The following NEXMIF variants were observed in gnomAD, a reference collection of about 807,000 sequenced individuals.
NEXMIF encodes neurite extension and migration factor.
NEXMIF carries 8 observed loss-of-function variants against 62.1 expected under a neutral mutation model. The observed-to-expected ratio is 0.13, with a 90% CI of 0.08 to 0.23. The LOEUF is 0.23. Ranked by LOEUF, NEXMIF falls within the 10% of genes least tolerant of loss-of-function variation. The pLI is 1.00. For synonymous variants in NEXMIF, 404 were observed against 416.6 expected (o/e 0.97, Z 0.37); for missense variants, 976 against 1,113.3 (o/e 0.88, Z 1.75).
At chrX:74,744,539 C>T (rs1173895186) in intron 2 of NEXMIF, 62 bp from the exon 3 acceptor site, 10 of 818,591 alleles carry the variant, frequency 1.2e-5, no homozygotes, top group Non-Finnish European at 1.5e-5. Context: ...GACTCATTAA[C>T]TCTCTTTCCC....
intron 1 of NEXMIF, among the ~76,000 whole-genome samples, chrX:74,756,213 G>C (rs1048670374): frequency 1.8e-5 from 2 of 111,848 alleles, no homozygotes; most frequent in East Asian, 5.6e-4. Flanking sequence ...CGCCCGCCTC[G>C]GCCTCCCGTA....
At chrX:74,795,857 CAAAT>C (rs922616006) in intron 1 of NEXMIF, among the ~76,000 whole-genome samples, 1 of 107,174 alleles carries the variant, frequency 9.3e-6, no homozygotes, top group Non-Finnish European at 1.9e-5. Flanking sequence ...AGATAAAAGA[CAAAT>C]AACCATACAT....
At chrX:74,889,984 CTCTCTCATTCTCTT>C (rs1458534770) in intron 1 of NEXMIF, among the ~76,000 whole-genome samples, 1 of 105,554 alleles carries the variant, frequency 9.5e-6, no homozygotes, top group Non-Finnish European at 1.9e-5. Context: ...CTCTCTCATT[CTCTCTCATTCTCTT>C]TCTCTCTCTC....
intron 1 of NEXMIF, among the ~76,000 whole-genome samples, chrX:74,871,856 C>T (rs2080602449): frequency 9.0e-6 from 1 of 111,532 alleles, no homozygotes; most frequent in Non-Finnish European, 1.9e-5. Flanking sequence ...ACCCTTGTTT[C>T]ACAATCAGAT....
chrX:74,863,416 C>G (rs1326618176), intron 1 of NEXMIF, among the ~76,000 whole-genome samples: 2 of 110,812 alleles, frequency 1.8e-5, no homozygotes, highest in African/African-American at 6.6e-5. Context: ...ATCAAATAAA[C>G]ACAACAAAAA....
chrX:74,851,332 C>T (rs574524545), intron 1 of NEXMIF, among the ~76,000 whole-genome samples: 4 of 111,599 alleles, frequency 3.6e-5, no homozygotes, highest in African/African-American at 1.3e-4. Context: ...GAAAACATCT[C>T]AAGTCTAGCA....
intron 1 of NEXMIF, among the ~76,000 whole-genome samples, chrX:74,791,720 C>T (rs759749393): frequency 1.1e-3 from 125 of 109,983 alleles, no homozygotes; most frequent in African/African-American, 3.7e-3. Flanking sequence ...GTGTATGTGA[C>T]GAGGAATTTA....
intron 1 of NEXMIF, among the ~76,000 whole-genome samples, chrX:74,871,809 G>GT (rs1172258619): frequency 5.4e-5 from 6 of 111,454 alleles, no homozygotes; most frequent in South Asian, 3.8e-4. Context: ...CTATTATTCT[G>GT]TTTTTTCAGG....
At chrX:74,886,003 T>A (rs193243911) in intron 1 of NEXMIF, among the ~76,000 whole-genome samples, 1 of 111,538 alleles carries the variant, frequency 9.0e-6, no homozygotes, top group African/African-American at 3.3e-5. Flanking sequence ...CATATGCAAA[T>A]CAATAAACAT....
At chrX:74,861,714 T>C (rs2080558259) in intron 1 of NEXMIF, among the ~76,000 whole-genome samples, 1 of 111,800 alleles carries the variant, frequency 8.9e-6, no homozygotes, top group South Asian at 3.8e-4. Context: ...GAAAAGAATT[T>C]CCAACCCAGA....
chrX:74,872,605 T>A (rs1262702079), intron 1 of NEXMIF, among the ~76,000 whole-genome samples: 2 of 109,455 alleles, frequency 1.8e-5, no homozygotes, highest in Admixed American at 9.8e-5. Context: ...GTAAATTATG[T>A]TTTACTACAG....
intron 1 of NEXMIF, among the ~76,000 whole-genome samples, chrX:74,806,169 G>A (rs1193622326): frequency 1.8e-5 from 2 of 111,473 alleles, no homozygotes; most frequent in Non-Finnish European, 3.8e-5. Context: ...CTCAAATGAA[G>A]TTCAACTTAC....
At position 74,743,140 on chromosome X, in the gene NEXMIF, A is replaced by G. The variant is rs891017786; in HGVS notation, c.1417T>C (p.Ser473Pro). The G allele has an allele frequency of 2.5e-6, 3 of 1,210,521 alleles. No individual in the cohort carries two copies. The highest frequency in any genetic ancestry group is 3.4e-6 in the Non-Finnish European group (3 of 895,192). ...MARDTNSGSS[S>P]SQQNYGLRAK... is the part of the protein sequence containing the mutation. ...CGCAGCCCATAGTTCTGTTGGGAGG[A>G]GGAGCTGCCAGAATTAGTGTCCCGA... Residue 473 changes from serine to proline, a missense_variant, in exon 3 of 4, where the codon TCC becomes CCC. Around this residue, in one of 5 missense-constraint regions of NEXMIF, gnomAD observed 639 missense variants for 694.5 expected, o/e 0.92. Transcript: ENST00000055682.
intron 1 of NEXMIF, among the ~76,000 whole-genome samples, chrX:74,798,703 G>T (rs1261688451): frequency 1.8e-5 from 2 of 111,413 alleles, no homozygotes; most frequent in African/African-American, 6.5e-5. Context: ...CTCCCACAAA[G>T]AAACAAAATT....
At chrX:74,748,674 T>C (rs1195933705) in intron 1 of NEXMIF, among the ~76,000 whole-genome samples, 1 of 111,995 alleles carries the variant, frequency 8.9e-6, no homozygotes, top group Non-Finnish European at 1.9e-5. Flanking sequence ...AAGGAAATGC[T>C]CCATTAGACT....
chrX:74,814,535 G>A (rs1167376495), intron 1 of NEXMIF, among the ~76,000 whole-genome samples: 2 of 111,556 alleles, frequency 1.8e-5, no homozygotes, highest in Non-Finnish European at 3.8e-5. Flanking sequence ...CTATTTCCTG[G>A]GGGAAACAAA....
At position 74,846,651 on chromosome X, in the gene NEXMIF, A is replaced by G. The variant is rs1242372226; in HGVS notation, c.-48+78232T>C. Among the ~76,000 whole-genome samples, 5 of 112,064 alleles carry G rather than the reference A, an allele frequency of 4.5e-5. 1 individual carries two copies. The East Asian group carries it at 1.4e-3, about 31-fold the overall frequency. ...TTTGTCATATAGAAGAAGAATTAAG[A>G]ATTAACCTTTGTTGCTCCAGAAGAT... On this transcript the variant is annotated intron_variant, in intron 1 of 3. Coordinates refer to ENST00000055682, the MANE Select transcript of NEXMIF (RefSeq NM_001008537.3).
chrX:74,917,494 C>T (rs970400273), intron 1 of NEXMIF, among the ~76,000 whole-genome samples: 3 of 112,010 alleles, frequency 2.7e-5, no homozygotes, highest in Admixed American at 9.5e-5. Context: ...AACTGCAAGG[C>T]GCAGATGTGG....
intron 1 of NEXMIF, among the ~76,000 whole-genome samples, chrX:74,843,390 A>G (rs748267621): frequency 2.2e-4 from 24 of 109,748 alleles, no homozygotes; most frequent in African/African-American, 7.3e-4. Flanking sequence ...GGTCTCTTGA[A>G]GATAGCATAC....
Sources: gnomAD v4.1 joint callset for allele counts (sites outside exome capture counted in the v4.1 genomes callset) on GRCh38, gnomAD v4.1.1 for gene constraint, gnomAD v4.1.1 regional missense constraint, MANE v1.5 for transcripts, NCBI Gene and HGNC (gene_info 2026-07-23, HGNC 2026-07-21) for gene names.